The following SNRNP40 variants were observed in gnomAD, a reference collection of about 807,000 sequenced individuals.
The protein encoded by SNRNP40 is U5 small nuclear ribonucleoprotein 40 kDa protein.
In SNRNP40, 21 loss-of-function variants were observed where a neutral mutation model predicts 45.8. The ratio of observed to expected loss-of-function variants is 0.46; its 90% CI spans 0.32 to 0.66. The LOEUF is 0.66. Ranked by LOEUF, SNRNP40 falls within the 30% of genes least tolerant of loss-of-function variation. The pLI, the probability that SNRNP40 is intolerant of heterozygous loss-of-function variation, is 0.03. For synonymous variants in SNRNP40, 142 were observed against 163.8 expected, an observed-to-expected ratio of 0.87 and a Z score of 1.01; for missense variants, 344 against 439.1, an observed-to-expected ratio of 0.78 and a Z score of 1.94.
intron 9 of SNRNP40, among the ~76,000 whole-genome samples, chr1:31,260,651 C>T (rs1034233842): frequency 6.6e-6 from 1 of 151,508 alleles, no homozygotes; most frequent in African/African-American, 2.4e-5. Context: ...TACCAGAGGT[C>T]AGGAGTTTGA....
At chr1:31,294,708 G>A (rs1363610804) in intron 1 of SNRNP40, among the ~76,000 whole-genome samples, 1 of 152,156 alleles carries the variant, frequency 6.6e-6, no homozygotes, top group Non-Finnish European at 1.5e-5. Flanking sequence ...GGGAGGCTGA[G>A]GTGGGCGGAT....
intron 1 of SNRNP40, among the ~76,000 whole-genome samples, chr1:31,294,083 G>A (rs1557681481): frequency 6.6e-6 from 1 of 151,796 alleles, no homozygotes; most frequent in Non-Finnish European, 1.5e-5. Context: ...TCAGCCTCCC[G>A]AGCAGCCAAG....
chr1:31,264,704 CGA>C (rs1416012345), intron 8 of SNRNP40, among the ~76,000 whole-genome samples: 1 of 152,050 alleles, frequency 6.6e-6, no homozygotes. Context: ...CACTCTTGGC[CGA>C]GAGACTGGTC....
intron 8 of SNRNP40, among the ~76,000 whole-genome samples, chr1:31,264,800 G>A (rs1341089865): frequency 6.6e-6 from 1 of 152,140 alleles, no homozygotes; most frequent in Non-Finnish European, 1.5e-5. Flanking sequence ...TTAGTAGAAA[G>A]GAGAAGTTTG....
At chr1:31,277,487 A>G (rs555780252) in intron 5 of SNRNP40, among the ~76,000 whole-genome samples, 1 of 152,370 alleles carries the variant, frequency 6.6e-6, no homozygotes, top group East Asian at 1.9e-4. Flanking sequence ...CAAATTTTAT[A>G]TCTGCATAAA....
At chr1:31,293,683 G>A (rs944858872) in intron 1 of SNRNP40, among the ~76,000 whole-genome samples, 3 of 152,192 alleles carry the variant, frequency 2.0e-5, no homozygotes, top group Admixed American at 6.5e-5. Flanking sequence ...CTTGGCTCAA[G>A]TGATCCTCCT....
At chr1:31,262,534 A>AG (rs1435301203) in intron 8 of SNRNP40, among the ~76,000 whole-genome samples, 1 of 99,830 alleles carries the variant, frequency 1.0e-5, no homozygotes, top group African/African-American at 3.1e-5. Context: ...AAAAAAAAAA[A>AG]AAAAAAAAAA....
intron 5 of SNRNP40, among the ~76,000 whole-genome samples, chr1:31,274,541 T>TGGCCC: frequency 6.6e-6 from 1 of 151,168 alleles, no homozygotes; most frequent in Non-Finnish European, 1.5e-5. Context: ...GCGCCTGGCC[T>TGGCCC]GGCCTATATA....
Position 31,261,652 on chromosome 1 carries a change from G to A in SNRNP40, c.921-20C>T. On this transcript the variant is annotated intron_variant, in intron 8 of 9. Coordinates refer to ENST00000263694, the MANE Select transcript of SNRNP40 (RefSeq NM_004814.3). ...ACAAACCTGTAAGGTATCATGAAAA[G>A]CAAGGGTAAGTCCTCTTAGAGCTGG... is the stretch of plus-strand genomic sequence containing the variant. The A allele has an allele frequency of 6.5e-7, 1 of 1,533,340 alleles. No individual in the cohort carries two copies. The allele number at this position is 1,533,340 out of a possible 1,614,324, so 95.0% of individuals were successfully genotyped here. A position where few individuals can be genotyped will look rare whatever the true frequency, so the allele number is the denominator to read the frequency against.
At chr1:31,284,148 G>A (rs879882444) in intron 4 of SNRNP40, among the ~76,000 whole-genome samples, 1 of 152,126 alleles carries the variant, frequency 6.6e-6, no homozygotes, top group African/African-American at 2.4e-5. Flanking sequence ...GCTTGGGCCA[G>A]AGAGGTTGAG....
chr1:31,268,631 C>T (rs1645915883), intron 7 of SNRNP40, among the ~76,000 whole-genome samples: 1 of 152,022 alleles, frequency 6.6e-6, no homozygotes, highest in Admixed American at 6.6e-5. Context: ...AAAAAAAAAT[C>T]TCTATTAACA....
chr1:31,289,185 A>C (rs892426692), intron 4 of SNRNP40, 69 bp downstream of exon 4: 1 of 1,435,674 alleles, frequency 7.0e-7, no homozygotes, highest in Non-Finnish European at 9.6e-7. Context: ...CTAGAGTACA[A>C]GTGGCAAGGC....
intron 8 of SNRNP40, among the ~76,000 whole-genome samples, chr1:31,262,866 G>C (rs1027221959): frequency 2.0e-5 from 3 of 152,008 alleles, no homozygotes; most frequent in African/African-American, 7.3e-5. Context: ...GCCAGGTGTA[G>C]TGGTGCATGC....
chr1:31,276,127 C>T (rs1645973171), intron 5 of SNRNP40, among the ~76,000 whole-genome samples: 1 of 152,144 alleles, frequency 6.6e-6, no homozygotes, highest in Admixed American at 6.6e-5. Flanking sequence ...TGCCACGGTG[C>T]TAGGAATATT....
chr1:31,289,650 CTTT>C (rs1002422044), intron 3 of SNRNP40, among the ~76,000 whole-genome samples: 6 of 152,212 alleles, frequency 3.9e-5, no homozygotes, highest in African/African-American at 1.4e-4. Flanking sequence ...AATTCCCCTT[CTTT>C]GAGTCCCCAT....
At chr1:31,267,231 A>G (rs1035428272) in intron 8 of SNRNP40, among the ~76,000 whole-genome samples, 3 of 151,536 alleles carry the variant, frequency 2.0e-5, no homozygotes, top group Non-Finnish European at 4.4e-5. Context: ...GGTATTTAAT[A>G]TGTGTTCAAA....
Position 31,259,897 on chromosome 1 carries a change from C to T in SNRNP40, c.*175G>A. On this transcript the variant is annotated 3_prime_UTR_variant, in exon 10 of 10. Transcript: ENST00000263694. ...GAGGCCACAGGGAGCTTGCCTTAGT[C>T]ATCCTGGTGAAATGGGACAGAAGTG... 1.4e-6 allele frequency: 1 copy of T among 700,706 alleles called. No homozygotes were observed. Among genetic ancestry groups the T allele is most frequent in the Non-Finnish European group, 2.6e-6 (1 of 383,416 alleles). The allele number at this position is 700,706 out of a possible 1,614,324, so 43.4% of individuals were successfully genotyped here. A position where few individuals can be genotyped will look rare whatever the true frequency, so the allele number is the denominator to read the frequency against.
intron 8 of SNRNP40, among the ~76,000 whole-genome samples, 179 bp downstream of exon 8, chr1:31,267,692 C>T (rs1021143754): frequency 7.2e-5 from 11 of 152,170 alleles, no homozygotes; most frequent in Admixed American, 3.9e-4. Flanking sequence ...TGTGCCGCCA[C>T]GCCCGGCTAA....
chr1:31,293,468 C>T (rs1341307994), intron 1 of SNRNP40, 120 bp from the exon 2 acceptor site: 4 of 992,296 alleles, frequency 4.0e-6, no homozygotes, highest in Admixed American at 3.1e-5. Flanking sequence ...TTTCATCTGA[C>T]TTACAGAATG....
Sources: gnomAD v4.1 joint callset for allele counts (sites outside exome capture counted in the v4.1 genomes callset) on GRCh38, gnomAD v4.1.1 for gene constraint, MANE v1.5 for transcripts, NCBI Gene and HGNC (gene_info 2026-07-23, HGNC 2026-07-21) for gene names.